Variants in MEGF6 observed in about 807,000 individuals in gnomAD.
The protein encoded by MEGF6 is multiple EGF like domains 6, also known as multiple epidermal growth factor-like domains protein 6.
A neutral mutation model predicts 207.1 loss-of-function variants in MEGF6; 184 were observed. The observed-to-expected ratio is 0.89, with a 90% CI of 0.79 to 1.00. The LOEUF (loss-of-function observed/expected upper bound fraction) is 1.00. Ranked by LOEUF, MEGF6 falls within the 50% of genes least tolerant of loss-of-function variation. The pLI is 0.00. For missense variants in MEGF6, 2,282 were observed against 2,202.9 expected (o/e 1.04, Z -0.72); for synonymous variants, 1,038 against 910.0 (o/e 1.14, Z -2.53).
intron 1 of MEGF6, 91 bp from the exon 2 acceptor site, chr1:3,602,691 A>C: frequency 4.0e-5 from 60 of 1,497,728 alleles, no homozygotes; most frequent in Non-Finnish European, 4.7e-5. Flanking sequence ...GTGTCAGCTC[A>C]TCTGGAGTGA....
intron 2 of MEGF6, among the ~76,000 whole-genome samples, chr1:3,599,558 A>G (rs1644125753): frequency 6.6e-6 from 1 of 152,254 alleles, no homozygotes; most frequent in African/African-American, 2.4e-5. Context: ...CTGGACATTC[A>G]GAGCCACATG....
chr1:3,602,519 C>T lies in MEGF6; in HGVS notation c.213G>A (p.Pro71=), dbSNP rs554545543. The T allele has an allele frequency of 3.7e-5, 60 of 1,613,368 alleles. No homozygotes were observed. In the Middle Eastern group the frequency reaches 4.9e-4, roughly 13 times the overall value. The change falls in exon 2 of 37, where the codon CCG becomes CCA. Residue 71 remains proline (P), a synonymous_variant. Coordinates refer to ENST00000356575, the MANE Select transcript of MEGF6 (RefSeq NM_001409.4). ...GCCACCCACAGCCGGCCTTCCACAC[C>T]GGCACCGTGTGGCTTAAGGCCTGCA... is the stretch of plus-strand genomic sequence containing the variant. ...PCVQALSHTV[P]VWKAGCGWQA... is the part of the protein sequence containing the mutation.
At chr1:3,598,164 A>G (rs1570232462) in intron 2 of MEGF6, among the ~76,000 whole-genome samples, 1 of 152,322 alleles carries the variant, frequency 6.6e-6, no homozygotes, top group South Asian at 2.1e-4. Flanking sequence ...GCCTGGGATC[A>G]AGGGCCCTTG....
chr1:3,503,510 C>A (rs1283188160), intron 17 of MEGF6, among the ~76,000 whole-genome samples: 1 of 152,066 alleles, frequency 6.6e-6, no homozygotes, highest in Non-Finnish European at 1.5e-5. Flanking sequence ...AGCCTTCCTC[C>A]TCTCAGGAAC....
intron 2 of MEGF6, among the ~76,000 whole-genome samples, chr1:3,597,891 C>T (rs1452532523): frequency 2.6e-5 from 4 of 152,202 alleles, no homozygotes; most frequent in South Asian, 2.1e-4. Flanking sequence ...CAGCTCACCG[C>T]GTGGTACCTG....
At chr1:3,499,088 C>G (rs1294405803) in intron 24 of MEGF6, 50 bp downstream of exon 24, 2 of 1,586,294 alleles carry the variant, frequency 1.3e-6, no homozygotes, top group Non-Finnish European at 1.7e-6. Flanking sequence ...GAGGCCAGCA[C>G]CCTCGCTCAG....
intron 4 of MEGF6, among the ~76,000 whole-genome samples, chr1:3,559,275 T>C (rs1449581952): frequency 6.6e-6 from 1 of 152,142 alleles, no homozygotes; most frequent in African/African-American, 2.4e-5. Context: ...CTACCTTCCA[T>C]GGGGTGGTTC....
chr1:3,613,208 C>G (rs1318592866), upstream of MEGF6, among the ~76,000 whole-genome samples: 1 of 152,208 alleles, frequency 6.6e-6, no homozygotes, highest in Non-Finnish European at 1.5e-5. Flanking sequence ...CACCCACCCC[C>G]ACTGACCACC....
intron 5 of MEGF6, among the ~76,000 whole-genome samples, chr1:3,521,356 C>A (rs1343660045): frequency 6.6e-6 from 1 of 152,170 alleles, no homozygotes. Flanking sequence ...CAGCCCTATC[C>A]CCATCAAGCC....
At position 3,499,149 on chromosome 1, in the gene MEGF6, G is replaced by A. The variant is rs1640741489; in HGVS notation, c.3083C>T (p.Ser1028Phe). 2 of 1,604,384 alleles carry A rather than the reference G, an allele frequency of 1.2e-6. No individual in the cohort carries two copies. The highest frequency in any genetic ancestry group is 2.2e-5 in the South Asian group (2 of 89,462). The change falls in exon 24 of 37, where the codon TCC becomes TTC. Residue 1028 changes from serine (S) to phenylalanine (F), a missense_variant. By Grantham distance (155) the Ser-to-Phe change is radical. Transcript: ENST00000356575. ...CHCAPGWMGP[S>F]CLQACPAGLY... ...TAGATGTGGCTTACCCTGCAGGCAG[G>A]AGGGCCCCATCCAGCCAGGGGCACA...
chr1:3,618,904 G>T, the MEGF6 span, among the ~76,000 whole-genome samples: 3 of 152,198 alleles, frequency 2.0e-5, no homozygotes, highest in Non-Finnish European at 4.4e-5. The surrounding 1 kb of genome is among the most constrained non-coding windows in gnomAD (Gnocchi z 4.7). Flanking sequence ...CCTCCAACCT[G>T]GGGGAGCTGG....
chr1:3,539,714 A>C (rs1176842217), intron 4 of MEGF6, among the ~76,000 whole-genome samples: 1 of 152,140 alleles, frequency 6.6e-6, no homozygotes, highest in African/African-American at 2.4e-5. Flanking sequence ...TCCCCAGCCC[A>C]GGAGGCCCTT....
chr1:3,558,956 T>C lies in MEGF6; in HGVS notation c.481+20869A>G, dbSNP rs570318574. Among the ~76,000 whole-genome samples, 3 of 152,082 alleles carry C rather than the reference T, an allele frequency of 2.0e-5. No individual in the cohort carries two copies. The East Asian group carries it at 5.8e-4, about 29-fold the overall frequency. ...GGGGAGGATCACTTGAGCCCAAGAGTTCAAGGCTGCAGTGAGCCATGATTG... is the reference window on the plus strand; with the variant it reads ...GGGGAGGATCACTTGAGCCCAAGAGCTCAAGGCTGCAGTGAGCCATGATTG... On this transcript the variant is annotated intron_variant, in intron 4 of 36. Transcript: ENST00000356575.
chr1:3,621,710 C>G, the MEGF6 span, among the ~76,000 whole-genome samples: 2 of 152,154 alleles, frequency 1.3e-5, no homozygotes, highest in African/African-American at 4.8e-5. Context: ...GTAGATCTAC[C>G]AGCAGCTTGC....
At chr1:3,549,995 G>A (rs1220909743) in intron 4 of MEGF6, among the ~76,000 whole-genome samples, 3 of 152,124 alleles carry the variant, frequency 2.0e-5, no homozygotes, top group Non-Finnish European at 2.9e-5. Flanking sequence ...AGGGGTCCCC[G>A]CTCTCCCCAG....
Position 3,598,913 on chromosome 1 carries a change from G to A in MEGF6, c.267-3466C>T, listed in dbSNP as rs377687989. ...GAGCCCCTTTATTCAAAGGGCCCCC[G>A]GCCGGGTTTGTCAGGGAAGTACCCA... On this transcript the variant is annotated intron_variant, in intron 2 of 36. Coordinates refer to ENST00000356575, the MANE Select transcript of MEGF6 (RefSeq NM_001409.4). Among the ~76,000 whole-genome samples the A allele has an allele frequency of 2.6e-5, 4 of 151,184 alleles. No homozygotes were observed. In the East Asian group the frequency reaches 5.8e-4, roughly 22 times the overall value.
Position 3,513,413 on chromosome 1 carries a change from AGGTGTGCACCATCATGCTCAGCTAGTT to A in MEGF6, c.853+1110_853+1136del, listed in dbSNP as rs535203838. Among the ~76,000 whole-genome samples, 642 of 151,490 alleles carry A rather than the reference AGGTGTGCACCATCATGCTCAGCTAGTT, an allele frequency of 4.2e-3. 2 individuals are homozygous for A. Among genetic ancestry groups the A allele is most frequent in the African/African-American group, 0.014 (580 of 41,306 alleles). Reference sequence around the variant, plus strand: ...CGGCCTCCTGAGTAGCTGGGACCACAGGTGTGCACCATCATGCTCAGCTAGTTGGGTTTTCTTATTTTTTTGTACATA... The same window carrying A: ...CGGCCTCCTGAGTAGCTGGGACCACAGGGTTTTCTTATTTTTTTGTACATA... On this transcript the variant is annotated intron_variant, in intron 7 of 36. Coordinates refer to ENST00000356575, the MANE Select transcript of MEGF6 (RefSeq NM_001409.4).
intron 1 of MEGF6, among the ~76,000 whole-genome samples, chr1:3,609,296 G>A (rs574022582): frequency 9.8e-4 from 149 of 152,298 alleles, no homozygotes; most frequent in African/African-American, 3.5e-3. Context: ...ACAGCCCAGT[G>A]GGGACCTCTC....
At chr1:3,598,323 C>T (rs950944814) in intron 2 of MEGF6, among the ~76,000 whole-genome samples, 58 of 152,326 alleles carry the variant, frequency 3.8e-4, no homozygotes, top group Admixed American at 9.8e-4. Context: ...GGCCGGCGGG[C>T]GGGCCGCTTC....
Sources: gnomAD v4.1 joint callset for allele counts (sites outside exome capture counted in the v4.1 genomes callset) on GRCh38, gnomAD v4.1.1 for gene constraint, Gnocchi (gnomAD v3.1) non-coding constraint, MANE v1.5 for transcripts, NCBI Gene and HGNC (gene_info 2026-07-23, HGNC 2026-07-21) for gene names.